SEMA3E: variants seen among roughly 807,000 people sequenced by gnomAD.
SEMA3E encodes the protein semaphorin 3E.
A neutral mutation model predicts 93.6 loss-of-function variants in SEMA3E; 49 were observed. The ratio of observed to expected loss-of-function variants is 0.52; its 90% CI spans 0.42 to 0.66. SEMA3E has a LOEUF of 0.66. SEMA3E is among the 30% of genes least tolerant of loss of function. The pLI is 0.00. For missense variants in SEMA3E, 906 were observed against 964.8 expected, an observed-to-expected ratio of 0.94 and a Z score of 0.81; for synonymous variants, 363 against 330.7, an observed-to-expected ratio of 1.10 and a Z score of -1.06.
In SEMA3E at chr7:83,466,338, G is replaced by C. The variant is rs946232135; in HGVS notation, c.456+144C>G. 7.2e-6 allele frequency: 7 copies of C among 968,220 alleles called. No individual in the cohort carries two copies. The Admixed American group carries it at 1.1e-4, about 15-fold the overall frequency. The allele number at this position is 968,220 out of a possible 1,614,324, so 60.0% of individuals were successfully genotyped here. A position where few individuals can be genotyped will look rare whatever the true frequency, so the allele number is the denominator to read the frequency against. On this transcript the variant is annotated intron_variant, in intron 4 of 16. Coordinates refer to ENST00000643230, the MANE Select transcript of SEMA3E (RefSeq NM_012431.3). ...GACAAGAATTTTAAAGGCCCAGAAAGATAATTTCTCTGTCTCAAGCAAACT... is the reference window on the plus strand; with the variant it reads ...GACAAGAATTTTAAAGGCCCAGAAACATAATTTCTCTGTCTCAAGCAAACT...
At chr7:83,407,565 A>C (rs1174960965) in intron 6 of SEMA3E, among the ~76,000 whole-genome samples, 3 of 152,158 alleles carry the variant, frequency 2.0e-5, no homozygotes, top group Admixed American at 2.0e-4. Context: ...AGCACAATGA[A>C]GACAAATCTC....
chr7:83,489,385 A>G (rs528529048), intron 2 of SEMA3E, among the ~76,000 whole-genome samples: 8 of 146,592 alleles, frequency 5.5e-5, no homozygotes, highest in Non-Finnish European at 8.9e-5. Context: ...CCAAGGAATG[A>G]TGCTTTGTCA....
At chr7:83,455,202 G>A (rs1469787730) in intron 4 of SEMA3E, among the ~76,000 whole-genome samples, 3 of 152,108 alleles carry the variant, frequency 2.0e-5, no homozygotes, top group Non-Finnish European at 2.9e-5. Flanking sequence ...AATAAATATA[G>A]ACTGAGAAAA....
At chr7:83,580,946 G>A (rs17157866) in intron 1 of SEMA3E, among the ~76,000 whole-genome samples, 2,092 of 151,822 alleles carry the variant, frequency 0.014, 50 homozygotes, top group African/African-American at 0.049. Flanking sequence ...CTTTATTATT[G>A]CAGTTCATTA....
intron 4 of SEMA3E, 150 bp from the exon 5 acceptor site, chr7:83,418,633 G>T: frequency 1.4e-6 from 1 of 693,424 alleles, no homozygotes; most frequent in South Asian, 1.6e-5. Context: ...AGACAAACTG[G>T]GTTTTATAAA....
chr7:83,584,974 G>A (rs1191255842), intron 1 of SEMA3E, among the ~76,000 whole-genome samples: 6 of 152,062 alleles, frequency 3.9e-5, no homozygotes, highest in South Asian at 2.1e-4. Context: ...ACTCCTTACC[G>A]TGAGCAAGAG....
At chr7:83,435,286 C>T (rs1788982186) in intron 4 of SEMA3E, among the ~76,000 whole-genome samples, 1 of 152,094 alleles carries the variant, frequency 6.6e-6, no homozygotes, top group Non-Finnish European at 1.5e-5. Context: ...CTGTTGCTTA[C>T]TTAATAAAGA....
At chr7:83,490,394 C>T (rs1790358179) in intron 1 of SEMA3E, 120 bp from the exon 2 acceptor site, 2 of 939,422 alleles carry the variant, frequency 2.1e-6, no homozygotes, top group Admixed American at 2.1e-5. Flanking sequence ...TTCATTTTAT[C>T]ATACATATAC....
intron 1 of SEMA3E, among the ~76,000 whole-genome samples, chr7:83,605,036 T>A (rs1304578432): frequency 6.6e-5 from 10 of 152,196 alleles, no homozygotes. Context: ...TATCATTGTT[T>A]GGCATTTGGG....
At chr7:83,570,681 C>T (rs1584338181) in intron 1 of SEMA3E, among the ~76,000 whole-genome samples, 1 of 147,906 alleles carries the variant, frequency 6.8e-6, no homozygotes, top group Non-Finnish European at 1.5e-5. Flanking sequence ...TAACTAAAAT[C>T]AGAGGAGAAC....
chr7:83,614,701 A>T (rs1793329496), intron 1 of SEMA3E, among the ~76,000 whole-genome samples: 1 of 152,130 alleles, frequency 6.6e-6, no homozygotes, highest in African/African-American at 2.4e-5. Context: ...CCATCTTGGG[A>T]AGTACATTCA....
chr7:83,544,809 C>A (rs1054801286), intron 1 of SEMA3E, among the ~76,000 whole-genome samples: 2 of 151,872 alleles, frequency 1.3e-5, no homozygotes, highest in East Asian at 4.0e-4. Flanking sequence ...TCCATCTCAT[C>A]TAGGTGGGAC....
At chr7:83,626,617 C>G (rs961995565) in intron 1 of SEMA3E, among the ~76,000 whole-genome samples, 2 of 152,064 alleles carry the variant, frequency 1.3e-5, no homozygotes, top group African/African-American at 4.8e-5. Flanking sequence ...ATTAGTCTGG[C>G]TAGCAGATTA....
intron 1 of SEMA3E, among the ~76,000 whole-genome samples, chr7:83,528,510 A>C (rs1033480002): frequency 6.6e-6 from 1 of 152,124 alleles, no homozygotes; most frequent in Non-Finnish European, 1.5e-5. Flanking sequence ...AGCTTGGCAT[A>C]GATAAGTAAT....
At chr7:83,547,533 G>A (rs1377289067) in intron 1 of SEMA3E, among the ~76,000 whole-genome samples, 4 of 152,118 alleles carry the variant, frequency 2.6e-5, no homozygotes, top group African/African-American at 7.2e-5. Flanking sequence ...GCCTAAATAA[G>A]GAAGGTAACT....
Position 83,519,769 on chromosome 7 carries a change from C to A in SEMA3E, c.116-29495G>T, listed in dbSNP as rs187866763. 7.4e-4 allele frequency among the ~76,000 whole-genome samples: 112 copies of A among 152,224 alleles called. 1 individual carries two copies. The highest frequency in any genetic ancestry group is 2.6e-3 in the African/African-American group (109 of 41,544). On this transcript the variant is annotated intron_variant, in intron 1 of 16. Coordinates refer to ENST00000643230, the MANE Select transcript of SEMA3E (RefSeq NM_012431.3). ...TTATTTCTGTACGCATAGAACCTGG[C>A]ATAAACAATGATACAATTAACCTCA... is the stretch of plus-strand genomic sequence containing the variant.
chr7:83,462,460 T>C (rs1465444045), intron 4 of SEMA3E, among the ~76,000 whole-genome samples: 1 of 152,144 alleles, frequency 6.6e-6, no homozygotes, highest in African/African-American at 2.4e-5. Flanking sequence ...CTTCCCTGAC[T>C]ATTCCTGGGC....
chr7:83,607,812 G>A (rs1313248530), intron 1 of SEMA3E, among the ~76,000 whole-genome samples: 1 of 152,160 alleles, frequency 6.6e-6, no homozygotes, highest in East Asian at 1.9e-4. Flanking sequence ...AGGAAACAGT[G>A]GGAGGAGGAG....
rs1270296413 is a variant in SEMA3E at position 83,562,655 on chromosome 7, C to T, written c.116-72381G>A. ...AGAAACTTTCTTAGACAGCCTGTTC[C>T]TCTGTGGCAGAGGAAATTTGGTTTT... On this transcript the variant is annotated intron_variant, in intron 1 of 16. Transcript: ENST00000643230. Among the ~76,000 whole-genome samples the T allele has an allele frequency of 2.0e-5, 3 of 152,140 alleles. No individual in the cohort carries two copies. The East Asian group carries it at 5.8e-4, about 29-fold the overall frequency.
Sources: allele counts gnomAD v4.1 joint callset (sites outside exome capture counted in the v4.1 genomes callset), GRCh38; gene constraint gnomAD v4.1.1; transcripts MANE v1.5; gene names NCBI Gene and HGNC (gene_info 2026-07-23, HGNC 2026-07-21).